Variants in ASTN1 observed in about 807,000 individuals in gnomAD.
The protein encoded by ASTN1 is astrotactin-1.
Under a neutral mutation model 140.7 loss-of-function variants are expected in ASTN1, and 41 were observed. That is an observed-to-expected ratio of 0.29 (90% CI 0.23 to 0.38). The LOEUF is 0.38. ASTN1 is among the 10% of genes least tolerant of loss of function. The probability of loss-of-function intolerance (pLI) is 1.00; values close to 1 mark genes in which losing one functional copy is unlikely to be tolerated. For synonymous variants in ASTN1, 640 were observed against 652.2 expected, an observed-to-expected ratio of 0.98 and a Z score of 0.29; for missense variants, 1,479 against 1,678.8, an observed-to-expected ratio of 0.88 and a Z score of 2.08.
At chr1:177,051,015 C>T (rs957993159) in intron 2 of ASTN1, among the ~76,000 whole-genome samples, 3 of 152,144 alleles carry the variant, frequency 2.0e-5, no homozygotes, top group African/African-American at 4.8e-5. Context: ...CTTGTCAAGT[C>T]GAAGCATAGT....
At chr1:177,040,229 C>T (rs1292470566) in intron 2 of ASTN1, among the ~76,000 whole-genome samples, 1 of 152,180 alleles carries the variant, frequency 6.6e-6, no homozygotes, top group African/African-American at 2.4e-5. Context: ...AGATTACCTC[C>T]TCTTGGGGGT....
intron 6 of ASTN1, among the ~76,000 whole-genome samples, chr1:177,023,874 C>T (rs1252493379): frequency 6.6e-6 from 1 of 152,162 alleles, no homozygotes; most frequent in Non-Finnish European, 1.5e-5. Flanking sequence ...CTGTGATGGC[C>T]ATGGCATGGC....
chr1:177,002,353 TAATAA>T (rs1440831027), intron 8 of ASTN1, among the ~76,000 whole-genome samples: 1 of 148,342 alleles, frequency 6.7e-6, no homozygotes, highest in African/African-American at 2.5e-5. Flanking sequence ...GACCCTTAAA[TAATAA>T]AATGTGCCTT....
intron 1 of ASTN1, among the ~76,000 whole-genome samples, chr1:177,082,784 G>A (rs549708008): frequency 8.5e-5 from 13 of 152,208 alleles, no homozygotes; most frequent in South Asian, 6.2e-4. Context: ...GAGCTCTGCC[G>A]CCATAGATTA....
chr1:177,121,016 A>T (rs974339972), intron 1 of ASTN1, among the ~76,000 whole-genome samples: 1 of 152,170 alleles, frequency 6.6e-6, no homozygotes, highest in Admixed American at 6.5e-5. Context: ...CAGATCTGCG[A>T]ATTAAAAGCA....
chr1:176,913,606 G>A (rs1485774076), intron 16 of ASTN1, among the ~76,000 whole-genome samples: 2 of 152,224 alleles, frequency 1.3e-5, no homozygotes, highest in African/African-American at 4.8e-5. Flanking sequence ...GGATTTAGAA[G>A]AATTTTATTC....
intron 16 of ASTN1, among the ~76,000 whole-genome samples, chr1:176,901,457 C>G (rs573604744): frequency 6.6e-6 from 1 of 152,252 alleles, no homozygotes; most frequent in South Asian, 2.1e-4. Context: ...AGTGAAACCA[C>G]GGGTACCAAA....
chr1:177,143,557 T>TTATGTTGACA (rs1453678103), intron 1 of ASTN1, among the ~76,000 whole-genome samples: 1 of 152,158 alleles, frequency 6.6e-6, no homozygotes, highest in Non-Finnish European at 1.5e-5. Context: ...AATCACACAT[T>TTATGTTGACA]TATGTTGACA....
rs557980947 is a variant in ASTN1, at chr1:176,979,190, A to G, written c.1524-13953T>C. Among the ~76,000 whole-genome samples, 24 of 152,222 alleles carry G rather than the reference A, an allele frequency of 1.6e-4. 1 individual carries two copies. The highest frequency in any genetic ancestry group is 5.8e-4 in the African/African-American group (24 of 41,554). On this transcript the variant is annotated intron_variant, in intron 8 of 22. Coordinates refer to ENST00000361833, the MANE Select transcript of ASTN1 (RefSeq NM_004319.3). ...TGGAACTTCCATGCTTTAAATCCTCACCCTGGTCATCAAGACTCCTGCATG... is the reference window on the plus strand; with the variant it reads ...TGGAACTTCCATGCTTTAAATCCTCGCCCTGGTCATCAAGACTCCTGCATG...
chr1:176,985,529 G>C (rs1183241147), intron 8 of ASTN1, among the ~76,000 whole-genome samples: 1 of 152,116 alleles, frequency 6.6e-6, no homozygotes, highest in Non-Finnish European at 1.5e-5. Flanking sequence ...GTGGATCAGA[G>C]TGCCTGAATG....
intron 16 of ASTN1, among the ~76,000 whole-genome samples, chr1:176,915,633 A>G (rs773589565): frequency 6.6e-6 from 1 of 152,066 alleles, no homozygotes; most frequent in Non-Finnish European, 1.5e-5. Context: ...TATCATTCGG[A>G]TTTTAGATTA....
rs142389397 is a variant in ASTN1, at chr1:176,996,833, TG to T, written c.1523+17957del. On this transcript the variant is annotated intron_variant, in intron 8 of 22. Transcript: ENST00000361833. The stretch of plus-strand genomic sequence containing the variant: ...ACTGCAGTGTAATTAGGCAAGAGGC[TG>T]GAGTTCAGGTTAGTGTGTCCAATAC... 9.5e-3 allele frequency among the ~76,000 whole-genome samples: 1,452 copies of T among 152,306 alleles called. 22 individuals are homozygous for T. The highest frequency in any genetic ancestry group is 0.032 in the African/African-American group (1,320 of 41,568).
intron 2 of ASTN1, among the ~76,000 whole-genome samples, chr1:177,037,727 G>C (rs1259607424): frequency 6.6e-6 from 1 of 152,128 alleles, no homozygotes; most frequent in Non-Finnish European, 1.5e-5. Context: ...TGAATTTTCT[G>C]ATTATTCTAT....
At chr1:176,883,109 T>G in intron 19 of ASTN1, 115 bp from the exon 20 acceptor site, 2 of 1,410,818 alleles carry the variant, frequency 1.4e-6, no homozygotes, top group Non-Finnish European at 2.0e-6. Context: ...CCTCAATCTC[T>G]AGAGTAGAGA....
downstream of ASTN1, among the ~76,000 whole-genome samples, chr1:176,860,718 A>C (rs1256390724): frequency 6.6e-6 from 1 of 152,178 alleles, no homozygotes; most frequent in Admixed American, 6.5e-5. Context: ...TGACAAGTTC[A>C]ATGCCTAATT....
chr1:176,940,053 C>T (rs1557975916), intron 14 of ASTN1, among the ~76,000 whole-genome samples: 1 of 152,188 alleles, frequency 6.6e-6, no homozygotes, highest in Non-Finnish European at 1.5e-5. Context: ...GAGGTCTAAA[C>T]CTTCACACAG....
intron 8 of ASTN1, among the ~76,000 whole-genome samples, chr1:177,001,886 G>A (rs939664538): frequency 2.0e-5 from 3 of 152,192 alleles, no homozygotes; most frequent in Non-Finnish European, 4.4e-5. Context: ...CAACAATGGT[G>A]AGCACTTGTT....
chr1:177,107,580 A>G (rs1680611991), intron 1 of ASTN1, among the ~76,000 whole-genome samples: 1 of 152,148 alleles, frequency 6.6e-6, no homozygotes, highest in Non-Finnish European at 1.5e-5. Context: ...CAGAGGGATG[A>G]AGAATAGTGA....
At chr1:176,994,054 C>G (rs560411726) in intron 8 of ASTN1, among the ~76,000 whole-genome samples, 1 of 124,170 alleles carries the variant, frequency 8.1e-6, no homozygotes, top group South Asian at 2.5e-4. Context: ...GAATAGCCTC[C>G]GCTTCGTTCA....
Sources: allele counts gnomAD v4.1 joint callset (sites outside exome capture counted in the v4.1 genomes callset), GRCh38; gene constraint gnomAD v4.1.1; transcripts MANE v1.5; gene names NCBI Gene and HGNC (gene_info 2026-07-23, HGNC 2026-07-21).